The following RIMBP2 variants were observed in gnomAD, a reference collection of about 807,000 sequenced individuals.
RIMBP2 encodes the protein RIMS-binding protein 2.
RIMBP2 carries 48 observed loss-of-function variants against 118.6 expected under a neutral mutation model. The ratio of observed to expected loss-of-function variants is 0.40; its 90% confidence interval spans 0.32 to 0.51. The LOEUF (loss-of-function observed/expected upper bound fraction) is 0.51. Ranked by LOEUF, RIMBP2 falls within the 20% of genes least tolerant of loss-of-function variation. The pLI, the probability that RIMBP2 is intolerant of heterozygous loss-of-function variation, is 0.41. For synonymous variants in RIMBP2, 762 were observed against 742.9 expected, an observed-to-expected ratio of 1.03 and a Z score of -0.42; for missense variants, 1,551 against 1,768.3, an observed-to-expected ratio of 0.88 and a Z score of 2.20.
chr12:130,498,650 A>C (rs1206699768), intron 4 of RIMBP2, among the ~76,000 whole-genome samples: 2 of 151,528 alleles, frequency 1.3e-5, no homozygotes, highest in African/African-American at 4.8e-5. Context: ...AAAAAAAAAA[A>C]ACACTCAGTG....
intron 5 of RIMBP2, among the ~76,000 whole-genome samples, chr12:130,474,554 C>T (rs770905378): frequency 5.3e-5 from 8 of 152,216 alleles, no homozygotes; most frequent in African/African-American, 9.6e-5. Context: ...CATGTTTTGG[C>T]ATCAGTAAAT....
intron 14 of RIMBP2, among the ~76,000 whole-genome samples, chr12:130,433,367 C>T (rs966820070): frequency 1.3e-5 from 2 of 152,166 alleles, no homozygotes; most frequent in African/African-American, 2.4e-5. Context: ...TGACTCCTCT[C>T]GGATGGATGC....
intron 4 of RIMBP2, among the ~76,000 whole-genome samples, chr12:130,491,997 T>C (rs2048692538): frequency 1.3e-5 from 2 of 152,196 alleles, no homozygotes; most frequent in African/African-American, 4.8e-5. Context: ...AACTGAATTA[T>C]CTCCTCAACG....
chr12:130,555,865 T>C (rs1056432102), intron 2 of RIMBP2, among the ~76,000 whole-genome samples: 1 of 152,174 alleles, frequency 6.6e-6, no homozygotes, highest in African/African-American at 2.4e-5. Flanking sequence ...TCTGGTTCCA[T>C]TCTGAGCAAT....
intron 21 of RIMBP2, among the ~76,000 whole-genome samples, chr12:130,403,046 C>T (rs2074796239): frequency 6.6e-6 from 1 of 152,158 alleles, no homozygotes; most frequent in Admixed American, 6.5e-5. Flanking sequence ...GCTTGTTTTA[C>T]TGATATGGGA....
At chr12:130,619,047 A>G (rs2061138432) in intron 2 of RIMBP2, among the ~76,000 whole-genome samples, 1 of 152,226 alleles carries the variant, frequency 6.6e-6, no homozygotes, top group Non-Finnish European at 1.5e-5. Flanking sequence ...CCCTTACTTT[A>G]TAGCAAGCAA....
intron 3 of RIMBP2, among the ~76,000 whole-genome samples, chr12:130,513,610 G>T (rs2051145170): frequency 6.6e-6 from 1 of 152,152 alleles, no homozygotes; most frequent in Non-Finnish European, 1.5e-5. Flanking sequence ...CAGCTTCAAA[G>T]GCATCAAGCA....
intron 3 of RIMBP2, among the ~76,000 whole-genome samples, chr12:130,513,513 G>A (rs562569589): frequency 9.3e-5 from 1 of 10,702 alleles, no homozygotes; most frequent in South Asian, 0.012. Flanking sequence ...CCAGTGCGGG[G>A]AGGAGGGAGC....
chr12:130,409,336 T>C (rs901870117), intron 19 of RIMBP2, among the ~76,000 whole-genome samples: 1 of 114,628 alleles, frequency 8.7e-6, no homozygotes, highest in African/African-American at 4.0e-5. Context: ...ATGTAGCTTT[T>C]TTTTTTTTTT....
chr12:130,459,672 C>T lies in RIMBP2; in HGVS notation c.154-2972G>A, dbSNP rs185145195. ...ACACCTGCCAGCAGCCTGCAGGCTG[C>T]GGGCTGCCTGCTTTTGTTTGCAGGA... On this transcript the variant is annotated intron_variant, in intron 6 of 22. Coordinates refer to ENST00000690449, the MANE Select transcript of RIMBP2 (RefSeq NM_001393629.1). Among the ~76,000 whole-genome samples the T allele has an allele frequency of 4.1e-4, 62 of 152,180 alleles. 1 individual carries two copies. The highest frequency in any genetic ancestry group is 1.6e-3 in the Admixed American group (25 of 15,290).
intron 1 of RIMBP2, among the ~76,000 whole-genome samples, chr12:130,691,777 G>A (rs1458239782): frequency 1.3e-5 from 2 of 152,306 alleles, no homozygotes; most frequent in African/African-American, 4.8e-5. Context: ...ACATGGTAGG[G>A]GTGCCAGCAC....
chr12:130,624,576 A>C (rs535438499), intron 2 of RIMBP2, among the ~76,000 whole-genome samples: 1 of 152,226 alleles, frequency 6.6e-6, no homozygotes, highest in Non-Finnish European at 1.5e-5. Context: ...GGAACAGGAA[A>C]TATTTATCAG....
Position 130,581,556 on chromosome 12 carries a change from C to G in RIMBP2, c.-217+46766G>C, listed in dbSNP as rs2058481668. Among the ~76,000 whole-genome samples, 1 of 152,190 alleles carries G rather than the reference C, an allele frequency of 6.6e-6. No individual in the cohort carries two copies. Among genetic ancestry groups the G allele is most frequent in the Admixed American group, 6.5e-5 (1 of 15,288 alleles). Reference sequence around the variant, plus strand: ...CTGCCAGTCTCCCCACCCCACAGCCCTCCCGTGCCAGTAGGTGGCAATTCC... The same window carrying G: ...CTGCCAGTCTCCCCACCCCACAGCCGTCCCGTGCCAGTAGGTGGCAATTCC... On this transcript the variant is annotated intron_variant, in intron 2 of 22. Coordinates refer to ENST00000690449, the MANE Select transcript of RIMBP2 (RefSeq NM_001393629.1). The surrounding 1 kb of genome is among the most constrained non-coding windows in gnomAD (Gnocchi z 4.4).
chr12:130,483,218 G>C (rs1424864410), intron 4 of RIMBP2, among the ~76,000 whole-genome samples: 3 of 129,430 alleles, frequency 2.3e-5, no homozygotes, highest in African/African-American at 5.9e-5. Flanking sequence ...GGAGGGGGCA[G>C]ACCTCATCCA....
chr12:130,534,236 AGTGGGAGGTG>A (rs1408480231), intron 2 of RIMBP2, among the ~76,000 whole-genome samples: 2 of 24,344 alleles, frequency 8.2e-5, no homozygotes, highest in Admixed American at 1.1e-3. Flanking sequence ...GGTGGGAGGG[AGTGGGAGGTG>A]GTGGGAGGGG....
intron 1 of RIMBP2, among the ~76,000 whole-genome samples, chr12:130,689,158 C>T (rs1045167053): frequency 2.6e-5 from 4 of 152,196 alleles, no homozygotes; most frequent in Non-Finnish European, 4.4e-5. Flanking sequence ...GAGGGGCTCC[C>T]GTGTCCTGGG....
chr12:130,427,615 G>C (rs2076877644), intron 15 of RIMBP2: 4 of 152,344 alleles, frequency 2.6e-5, no homozygotes, highest in Non-Finnish European at 5.9e-5. Context: ...AGAAGGGAGA[G>C]GGTCTAGCGG....
chr12:130,615,276 C>CATATATATATAT (rs202186208), intron 2 of RIMBP2, among the ~76,000 whole-genome samples: 2,393 of 100,090 alleles, frequency 0.024, 95 homozygotes, highest in African/African-American at 0.069. Flanking sequence ...AATACACATA[C>CATATATATATAT]ATATATATAT....
intron 1 of RIMBP2, among the ~76,000 whole-genome samples, chr12:130,693,164 T>A (rs1017266138): frequency 2.0e-4 from 31 of 152,074 alleles, no homozygotes; most frequent in African/African-American, 7.5e-4. Context: ...GAAACACTCG[T>A]CTGTCTCCCC....
Sources: allele counts gnomAD v4.1 joint callset (sites outside exome capture counted in the v4.1 genomes callset), GRCh38; gene constraint gnomAD v4.1.1; non-coding constraint Gnocchi (gnomAD v3.1); transcripts MANE v1.5; gene names NCBI Gene and HGNC (gene_info 2026-07-23, HGNC 2026-07-21).